VCPKMT: variants seen among roughly 807,000 people sequenced by gnomAD.
VCPKMT encodes valosin containing protein lysine methyltransferase.
Under a neutral mutation model 28.6 loss-of-function variants are expected in VCPKMT, and 32 were observed. The observed-to-expected ratio is 1.12, with a 90% confidence interval of 0.84 to 1.50. The LOEUF is 1.50. VCPKMT is among the 40% of genes most tolerant of loss of function. The pLI, the probability that VCPKMT is intolerant of heterozygous loss-of-function variation, is 0.00. For synonymous variants in VCPKMT, 138 were observed against 111.4 expected (o/e 1.24, Z -1.50); for missense variants, 366 against 285.0 (o/e 1.28, Z -2.05).
At chr14:50,114,052 C>A (rs1026815026) in intron 4 of VCPKMT, among the ~76,000 whole-genome samples, 1 of 152,064 alleles carries the variant, frequency 6.6e-6, no homozygotes, top group African/African-American at 2.4e-5. Context: ...GGAGTGGCAC[C>A]CGTATTAACA....
downstream of VCPKMT, among the ~76,000 whole-genome samples, chr14:50,107,496 T>G (rs902358733): frequency 1.3e-5 from 2 of 152,098 alleles, no homozygotes; most frequent in Non-Finnish European, 2.9e-5. Flanking sequence ...GTATTTTTAG[T>G]AGAGACAGGG....
rs751778156 is a variant in VCPKMT at position 50,116,321 on chromosome 14, T to G, written c.232A>C (p.Thr78Pro). The G allele has an allele frequency of 2.5e-6, 4 of 1,609,186 alleles. No homozygotes were observed. The East Asian group carries it at 9.0e-5, about 36-fold the overall frequency. ...RRSVLELGSG[T>P]GAVGLMAATL... ...GCAGCCATGAGCCCCACGGCCCCGGTGCCCGAACCCAGCTCCAGCACCGAC... is the reference window on the plus strand; with the variant it reads ...GCAGCCATGAGCCCCACGGCCCCGGGGCCCGAACCCAGCTCCAGCACCGAC... Residue 78 changes from threonine to proline, a missense_variant, in exon 1 of 6, where the codon ACC becomes CCC. Coordinates refer to ENST00000395860, the MANE Select transcript of VCPKMT (RefSeq NM_024558.3).
chr14:50,104,898 G>A (rs1882270547), downstream of VCPKMT, among the ~76,000 whole-genome samples: 1 of 152,084 alleles, frequency 6.6e-6, no homozygotes, highest in Admixed American at 6.6e-5. Context: ...ATGAATTGTA[G>A]TAACGTAGCT....
intron 3 of VCPKMT, 130 bp from the exon 4 acceptor site, chr14:50,114,534 C>A: frequency 1.6e-6 from 1 of 616,788 alleles, no homozygotes; most frequent in Non-Finnish European, 2.5e-6. Flanking sequence ...TCCAACAAAG[C>A]ACATGTAATT....
downstream of VCPKMT, chr14:50,108,600 T>A (rs987270573): frequency 2.2e-5 from 22 of 985,724 alleles, no homozygotes; most frequent in African/African-American, 3.5e-4. Flanking sequence ...GATGTTCACT[T>A]TCTTCAAAGG....
At chr14:50,106,573 G>T (rs574975931), downstream of VCPKMT, 2 of 985,278 alleles carry the variant, frequency 2.0e-6, no homozygotes, top group Non-Finnish European at 1.2e-6. Flanking sequence ...CAGCCTTACA[G>T]TTCCCACATC....
chr14:50,103,729 A>G (rs1882230629), downstream of VCPKMT, among the ~76,000 whole-genome samples: 1 of 152,188 alleles, frequency 6.6e-6, no homozygotes, highest in African/African-American at 2.4e-5. Context: ...ATAACAGTAC[A>G]TGTTGTGTAA....
intron 4 of VCPKMT, among the ~76,000 whole-genome samples, chr14:50,113,059 T>TA (rs1196690181): frequency 5.3e-5 from 8 of 152,312 alleles, no homozygotes; most frequent in Admixed American, 4.6e-4. Context: ...GTGCTGGGAT[T>TA]ACAGGCGTGA....
downstream of VCPKMT, chr14:50,106,726 T>C (rs1882334839): frequency 1.2e-6 from 1 of 837,374 alleles, no homozygotes; most frequent in Non-Finnish European, 1.4e-6. Flanking sequence ...TCCTGCGGTT[T>C]TGTTTTTTTG....
intron 3 of VCPKMT, 27 bp from the exon 4 acceptor site, chr14:50,114,431 T>C: frequency 4.3e-6 from 6 of 1,409,496 alleles, no homozygotes; most frequent in Non-Finnish European, 5.6e-6. Context: ...ATATTTTTTG[T>C]TTTTGATTTA....
At chr14:50,106,859 C>G (rs1183142129), downstream of VCPKMT, among the ~76,000 whole-genome samples, 1 of 152,122 alleles carries the variant, frequency 6.6e-6, no homozygotes, top group Admixed American at 6.5e-5. Flanking sequence ...GATGGGACTA[C>G]AGGTGTACAC....
rs1220892533 is a variant in VCPKMT at position 50,108,794 on chromosome 14, CAGAG to C, written c.*901_*904del. 3 of 985,458 alleles carry C rather than the reference CAGAG, an allele frequency of 3.0e-6. No homozygotes were observed. Among genetic ancestry groups the C allele is most frequent in the African/African-American group, 1.7e-5 (1 of 57,228 alleles). 61.0% of individuals were successfully genotyped at this position (985,458 alleles called of 1,614,324 possible). A position where few individuals can be genotyped will look rare whatever the true frequency, so the allele number is the denominator to read the frequency against. On this transcript the variant is annotated 3_prime_UTR_variant, in exon 6 of 6. Transcript: ENST00000395860. ...GAGCGAATGGCTTCATAACATAAAACAGAGAGACACAGAACAGAAATTCATTTGG... is the reference window on the plus strand; with the variant it reads ...GAGCGAATGGCTTCATAACATAAAACAGACACAGAACAGAAATTCATTTGG...
intron 3 of VCPKMT, among the ~76,000 whole-genome samples, chr14:50,114,740 T>C (rs1036890389): frequency 6.6e-6 from 1 of 152,164 alleles, no homozygotes; most frequent in Admixed American, 6.5e-5. Context: ...GTCCCAGCTA[T>C]TGAGGAGGCT....
rs1031816395 is a variant in VCPKMT, at chr14:50,112,753, A to G, written c.571-34T>C. The G allele has an allele frequency of 7.1e-6, 10 of 1,417,984 alleles. No individual in the cohort carries two copies. The Admixed American group carries it at 1.4e-4, about 21-fold the overall frequency. 87.8% of individuals were successfully genotyped at this position (1,417,984 alleles called of 1,614,324 possible). Reference sequence around the variant, plus strand: ...TTAAAAGAGACATACTTCAAATTCAATAATATGAACTGACCTGTGGGTGAC... The same window carrying G: ...TTAAAAGAGACATACTTCAAATTCAGTAATATGAACTGACCTGTGGGTGAC... On this transcript the variant is annotated intron_variant, in intron 4 of 5. Coordinates refer to ENST00000395860, the MANE Select transcript of VCPKMT (RefSeq NM_024558.3).
chr14:50,109,405 C>G lies in VCPKMT; in HGVS notation c.*294G>C. 8.9e-7 allele frequency: 1 copy of G among 1,119,844 alleles called. No homozygotes were observed. Among genetic ancestry groups the G allele is most frequent in the Non-Finnish European group, 1.1e-6 (1 of 917,928 alleles). The allele number at this position is 1,119,844 out of a possible 1,614,324, so 69.4% of individuals were successfully genotyped here. A position where few individuals can be genotyped will look rare whatever the true frequency, so the allele number is the denominator to read the frequency against. On this transcript the variant is annotated 3_prime_UTR_variant, in exon 6 of 6. Transcript: ENST00000395860. ...TTGGCTGTTTTTGGCAGATTTCAGC[C>G]TCGCCTCAATACCAATTTTTATTTG... is the stretch of plus-strand genomic sequence containing the variant.
rs191929545 is a variant in VCPKMT, at chr14:50,115,493, T to A, written c.450+346A>T. Among the ~76,000 whole-genome samples the A allele has an allele frequency of 3.1e-3, 475 of 152,318 alleles. 2 individuals are homozygous for A. Among genetic ancestry groups the A allele is most frequent in the African/African-American group, 0.011 (439 of 41,558 alleles). ...AAAAGAACAATGAATTATTTATAAC[T>A]TAATTCTCAATGTCATGGTTAACAT... On this transcript the variant is annotated intron_variant, in intron 3 of 5. Coordinates refer to ENST00000395860, the MANE Select transcript of VCPKMT (RefSeq NM_024558.3).
Position 50,116,532 on chromosome 14 carries a change from G to T in VCPKMT, c.21C>A (p.Ser7=). 3 of 1,612,022 alleles carry T rather than the reference G, an allele frequency of 1.9e-6. No individual in the cohort carries two copies. The highest frequency in any genetic ancestry group is 2.5e-6 in the Non-Finnish European group (3 of 1,179,066). Residue 7 remains serine (S), a synonymous_variant, in exon 1 of 6, where the codon TCC becomes TCA. Coordinates refer to ENST00000395860, the MANE Select transcript of VCPKMT (RefSeq NM_024558.3). MADTLE[S]SLEDPLRSFV... Reference sequence around the variant, plus strand: ...AGCTCCGCAGTGGGTCCTCCAGCGAGGACTCCAGCGTATCCGCCATTGCGC... The same window carrying T: ...AGCTCCGCAGTGGGTCCTCCAGCGATGACTCCAGCGTATCCGCCATTGCGC...
intron 3 of VCPKMT, among the ~76,000 whole-genome samples, chr14:50,114,607 G>A (rs991859026): frequency 5.9e-5 from 9 of 152,138 alleles, no homozygotes; most frequent in Admixed American, 4.6e-4. Flanking sequence ...AGGCAGAGGT[G>A]GAAAGATCGC....
intron 4 of VCPKMT, among the ~76,000 whole-genome samples, chr14:50,112,997 A>AG (rs1322779163): frequency 2.0e-4 from 31 of 152,194 alleles, no homozygotes; most frequent in Admixed American, 2.0e-3. Context: ...CATGTTGACC[A>AG]GGCTGGTCTC....
Sources: gnomAD v4.1 joint callset for allele counts (sites outside exome capture counted in the v4.1 genomes callset) on GRCh38, gnomAD v4.1.1 for gene constraint, MANE v1.5 for transcripts, NCBI Gene and HGNC (gene_info 2026-07-23, HGNC 2026-07-21) for gene names.